The following GIGYF2 variants were observed in gnomAD, a reference collection of about 807,000 sequenced individuals.
GIGYF2 encodes the protein GRB10 interacting GYF protein 2.
GIGYF2 carries 25 observed loss-of-function variants against 208.1 expected under a neutral mutation model. That is an observed-to-expected ratio of 0.12 (90% CI 0.09 to 0.17). GIGYF2 has a LOEUF of 0.17. Among genes scored for constraint, GIGYF2 ranks in the 10% least tolerant of loss-of-function variants. GIGYF2 has a pLI of 1.00. For synonymous variants in GIGYF2, 534 were observed against 543.8 expected (o/e 0.98, Z 0.25); for missense variants, 1,302 against 1,579.4 (o/e 0.82, Z 2.98).
intron 9 of GIGYF2, among the ~76,000 whole-genome samples, chr2:232,789,923 G>A (rs181727812): frequency 3.2e-4 from 48 of 152,080 alleles, no homozygotes; most frequent in Admixed American, 2.3e-3. Context: ...GGGAATGTCC[G>A]TAGGGGTATT....
intron 8 of GIGYF2, among the ~76,000 whole-genome samples, chr2:232,783,206 TTGAA>T: frequency 6.6e-6 from 1 of 152,184 alleles, no homozygotes. Flanking sequence ...CTCATAAAGT[TTGAA>T]TGACCAATTC....
chr2:232,790,812 G>A lies in GIGYF2; in HGVS notation c.827G>A (p.Gly276Glu). ...RGYRRVRSGS[G>E]SIDDDRDSLP... is the part of the protein sequence containing the mutation. ...TACCGAAGGGTTCGCTCTGGCAGTG[G>A]GAGCATAGATGATGACAGGGATAGC... The change falls in exon 10 of 29, where the codon GGG becomes GAG. Residue 276 changes from glycine (G) to glutamate (E), a missense_variant. Physicochemically the swap from Gly to Glu is moderately conservative, Grantham distance 98. Around this residue, in one of 8 missense-constraint regions of GIGYF2, gnomAD observed 50 missense variants for 42.3 expected, o/e 1.18. Transcript: ENST00000373563. The A allele has an allele frequency of 6.2e-7, 1 of 1,614,062 alleles. No homozygotes were observed.
chr2:232,724,547 T>G (rs1040090897), intron 2 of GIGYF2: 5 of 151,934 alleles, frequency 3.3e-5, no homozygotes, highest in Admixed American at 3.3e-4. Context: ...GGCTTAAATA[T>G]CTGAAACATT....
At chr2:232,843,978 A>G (rs958332421) in intron 23 of GIGYF2, 68 bp from the exon 24 acceptor site, 21 of 1,392,210 alleles carry the variant, frequency 1.5e-5, no homozygotes, top group Non-Finnish European at 1.8e-5. Context: ...TCCATTTAGT[A>G]TACTGGATAT....
intron 8 of GIGYF2, among the ~76,000 whole-genome samples, chr2:232,778,977 G>A (rs1235487587): frequency 6.6e-6 from 1 of 152,300 alleles, no homozygotes; most frequent in African/African-American, 2.4e-5. Context: ...GGGGGCATCA[G>A]AGAAGGCCCC....
At chr2:232,839,028 G>A (rs1392674253) in intron 22 of GIGYF2, among the ~76,000 whole-genome samples, 1 of 151,654 alleles carries the variant, frequency 6.6e-6, no homozygotes, top group African/African-American at 2.4e-5. Context: ...ATTCTTTTGG[G>A]GACTGTTTGG....
chr2:232,850,492 G>T (rs1690271003), intron 28 of GIGYF2, 83 bp downstream of exon 28: 2 of 1,257,848 alleles, frequency 1.6e-6, no homozygotes, highest in Non-Finnish European at 2.3e-6. Context: ...ATTGAGCATT[G>T]TTTTTCAAGA....
At position 232,816,408 on chromosome 2, in the gene GIGYF2, GCTGTTAAAACGTTATAGCCACA is replaced by G. The variant is rs534784471; in HGVS notation, c.2209-454_2209-433del. 1.6e-4 allele frequency among the ~76,000 whole-genome samples: 25 copies of G among 152,310 alleles called. No individual in the cohort carries two copies. In the South Asian group the frequency reaches 5.2e-3, roughly 32 times the overall value. On this transcript the variant is annotated intron_variant, in intron 19 of 28. Transcript: ENST00000373563. ...AATGTGGAAAGGTTCATACAACATT[GCTGTTAAAACGTTATAGCCACA>G]CTGTTAAATGTTCAATCAGAAAGTT...
intron 15 of GIGYF2, among the ~76,000 whole-genome samples, chr2:232,809,514 G>A (rs898528008): frequency 2.0e-5 from 3 of 152,132 alleles, no homozygotes; most frequent in Non-Finnish European, 4.4e-5. Context: ...GGAATCTTTT[G>A]TAATATTGAC....
At position 232,790,997 on chromosome 2, in the gene GIGYF2, T is replaced by C. The variant is rs751542804; in HGVS notation, c.931-11T>C. The C allele has an allele frequency of 1.9e-6, 3 of 1,614,026 alleles. No homozygotes were observed. The South Asian group carries it at 3.3e-5, about 18-fold the overall frequency. ...CTGCTGTTGATCTTTGGTTTTATTC[T>C]CTTTCTACAGAAAGTACAGAAAGAG... On this transcript the variant is annotated splice_polypyrimidine_tract_variant and intron_variant, in intron 10 of 28. Transcript: ENST00000373563.
chr2:232,798,746 G>A (rs1363494799), intron 14 of GIGYF2, among the ~76,000 whole-genome samples: 1 of 149,832 alleles, frequency 6.7e-6, no homozygotes, highest in African/African-American at 2.5e-5. Context: ...CATGTTTCAT[G>A]TCTTTTTTGT....
At chr2:232,842,152 T>C (rs1435709782) in intron 23 of GIGYF2, among the ~76,000 whole-genome samples, 1 of 152,136 alleles carries the variant, frequency 6.6e-6, no homozygotes, top group Non-Finnish European at 1.5e-5. Flanking sequence ...TTTTATCTTT[T>C]CTATGGGGCA....
At chr2:232,845,020 T>G (rs1012013418) in intron 25 of GIGYF2, among the ~76,000 whole-genome samples, 1 of 152,224 alleles carries the variant, frequency 6.6e-6, no homozygotes, top group Admixed American at 6.5e-5. Context: ...TTCATCTTTC[T>G]TTCTTCAATA....
chr2:232,849,406 C>T (rs935749360), intron 27 of GIGYF2, among the ~76,000 whole-genome samples: 43 of 152,242 alleles, frequency 2.8e-4, no homozygotes, highest in African/African-American at 7.0e-4. Flanking sequence ...CCTCATGATC[C>T]GCCCTCCTCA....
chr2:232,815,903 CA>C (rs151161298), intron 19 of GIGYF2, 166 bp downstream of exon 19: 41,692 of 461,688 alleles, frequency 0.09, 65 homozygotes, highest in Non-Finnish European at 0.1. Context: ...TCTCTTCTCC[CA>C]AAAAAAAAAA....
Position 232,836,355 on chromosome 2 carries a change from TATATAA to T in GIGYF2, c.2766+3274_2766+3279del, listed in dbSNP as rs1190096547. ...ACATATATATACTTATATATTTATATATATAAATATAAATATATATAAATATAAATA... is the reference window on the plus strand; with the variant it reads ...ACATATATATACTTATATATTTATATATATAAATATATATAAATATAAATA... On this transcript the variant is annotated intron_variant, in intron 22 of 28. Transcript: ENST00000373563. 3.2e-3 allele frequency among the ~76,000 whole-genome samples: 247 copies of T among 76,962 alleles called. 47 individuals are homozygous for T. The highest frequency in any genetic ancestry group is 0.012 in the African/African-American group (216 of 18,498). 50.5% of individuals were successfully genotyped at this position (76,962 alleles called of 152,430 possible).
intron 14 of GIGYF2, among the ~76,000 whole-genome samples, chr2:232,798,592 T>C (rs1167783380): frequency 6.6e-6 from 1 of 152,216 alleles, no homozygotes; most frequent in Middle Eastern, 3.2e-3. Flanking sequence ...GCTATTTTTC[T>C]GTTTTAACCA....
intron 8 of GIGYF2, chr2:232,765,821 A>G (rs74838457): frequency 1.4e-3 from 526 of 387,694 alleles, no homozygotes; most frequent in African/African-American, 2.6e-3. Flanking sequence ...CATATGTAAA[A>G]CTAGGCCCCT....
At chr2:232,820,603 T>C (rs1235588737) in intron 21 of GIGYF2, among the ~76,000 whole-genome samples, 2 of 151,848 alleles carry the variant, frequency 1.3e-5, no homozygotes, top group African/African-American at 4.8e-5. Context: ...CATGAGCTGC[T>C]GTGCCCGGCC....
Sources: gnomAD v4.1 joint callset for allele counts (sites outside exome capture counted in the v4.1 genomes callset) on GRCh38, gnomAD v4.1.1 for gene constraint, gnomAD v4.1.1 regional missense constraint, MANE v1.5 for transcripts, NCBI Gene and HGNC (gene_info 2026-07-23, HGNC 2026-07-21) for gene names.